The following HHLA1 variants were observed in gnomAD, a reference collection of about 807,000 sequenced individuals.
HHLA1 encodes the protein HHLA1 neighbor of OC90, also known as HERV-H LTR-associating protein 1.
Under a neutral mutation model 69.9 loss-of-function variants are expected in HHLA1, and 72 were observed. The observed-to-expected ratio is 1.03, with a 90% CI of 0.85 to 1.25. HHLA1 has a LOEUF of 1.25. Among genes scored for constraint, HHLA1 ranks in the 50% most tolerant of loss-of-function variants. HHLA1 has a pLI of 0.00. For missense variants in HHLA1, 685 were observed against 642.2 expected, an observed-to-expected ratio of 1.07 and a Z score of -0.72; for synonymous variants, 252 against 233.2, an observed-to-expected ratio of 1.08 and a Z score of -0.73.
Position 132,089,552 on chromosome 8 carries a change from G to C in HHLA1, c.496C>G (p.Leu166Val). 6.5e-7 allele frequency: 1 copy of C among 1,532,632 alleles called. No homozygotes were observed. The highest frequency in any genetic ancestry group is 8.9e-7 in the Non-Finnish European group (1 of 1,129,582). The allele number at this position is 1,532,632 out of a possible 1,614,324, so 94.9% of individuals were successfully genotyped here. The change falls in exon 8 of 17, where the codon CTC (leucine) becomes GTC (valine). Residue 166 changes from leucine to valine, a missense_variant. Coordinates refer to ENST00000414222, the MANE Select transcript of HHLA1 (RefSeq NM_001145095.3). ...GAGGTTGACTTAAAAATCTCTGTGA[G>C]GTAGCTGGTAGAATTGCCGATGATA... ...VDIIGNSTSY[L>V]TEIFKSTSIL...
intron 4 of HHLA1, among the ~76,000 whole-genome samples, 198 bp from the exon 5 acceptor site, chr8:132,099,160 A>G (rs971970507): frequency 1.3e-5 from 2 of 152,228 alleles, no homozygotes; most frequent in African/African-American, 4.8e-5. Flanking sequence ...CAAAGTGACA[A>G]ATATAGATAA....
chr8:132,072,944 C>T (rs1823573827), intron 14 of HHLA1, among the ~76,000 whole-genome samples: 1 of 151,512 alleles, frequency 6.6e-6, no homozygotes, highest in Non-Finnish European at 1.5e-5. Context: ...AATATCAATT[C>T]ATTTGAGAAT....
chr8:132,082,053 G>C (rs1318546076), intron 10 of HHLA1, among the ~76,000 whole-genome samples: 1 of 152,134 alleles, frequency 6.6e-6, no homozygotes, highest in Non-Finnish European at 1.5e-5. Flanking sequence ...AATGTCAGGT[G>C]GATCAGAGAG....
chr8:132,072,905 TAA>T (rs528446445), intron 14 of HHLA1, among the ~76,000 whole-genome samples: 4 of 142,740 alleles, frequency 2.8e-5, no homozygotes, highest in Admixed American at 7.0e-5. Context: ...TTTTGTCCAG[TAA>T]AAAAAAAAAA....
chr8:132,108,660 A>G (rs1024214919), intron 1 of HHLA1, among the ~76,000 whole-genome samples: 1 of 152,094 alleles, frequency 6.6e-6, no homozygotes, highest in Non-Finnish European at 1.5e-5. Flanking sequence ...CACATGGATT[A>G]TTTTGAGTGG....
At chr8:132,086,422 T>G (rs1044260062) in intron 10 of HHLA1, among the ~76,000 whole-genome samples, 1 of 152,212 alleles carries the variant, frequency 6.6e-6, no homozygotes, top group South Asian at 2.1e-4. Context: ...ACACCCTGCG[T>G]GCAACACCAG....
chr8:132,077,411 C>T (rs1006654513), intron 12 of HHLA1, among the ~76,000 whole-genome samples: 7 of 151,928 alleles, frequency 4.6e-5, no homozygotes, highest in African/African-American at 1.5e-4. Flanking sequence ...ATTTCAGGCC[C>T]GGGTCCATCC....
intron 15 of HHLA1, among the ~76,000 whole-genome samples, chr8:132,066,286 A>G (rs1254028998): frequency 6.6e-6 from 1 of 152,150 alleles, no homozygotes; most frequent in Non-Finnish European, 1.5e-5. Context: ...CAATAATGGA[A>G]CCTATACTCG....
At chr8:132,104,063 G>C in intron 3 of HHLA1, 45 bp downstream of exon 3, 1 of 1,382,030 alleles carries the variant, frequency 7.2e-7, no homozygotes, top group Middle Eastern at 1.8e-4. Flanking sequence ...CAAGGAATTT[G>C]CCCAAGAACA....
chr8:132,064,383 G>A (rs894018529), intron 16 of HHLA1, among the ~76,000 whole-genome samples: 2 of 152,180 alleles, frequency 1.3e-5, no homozygotes, highest in African/African-American at 2.4e-5. Flanking sequence ...AATGTAATAC[G>A]TTGTGTGCAT....
At chr8:132,083,043 C>T (rs183377656) in intron 10 of HHLA1, among the ~76,000 whole-genome samples, 10 of 144,990 alleles carry the variant, frequency 6.9e-5, no homozygotes, top group African/African-American at 2.3e-4. Flanking sequence ...CATGATTGGT[C>T]GCCAAGGAGG....
intron 14 of HHLA1, among the ~76,000 whole-genome samples, chr8:132,072,365 T>C (rs1182228201): frequency 6.6e-6 from 1 of 152,144 alleles, no homozygotes; most frequent in East Asian, 1.9e-4. Context: ...TGAGACAATT[T>C]ATATAAAGTA....
chr8:132,103,490 A>G (rs968722881), intron 3 of HHLA1, among the ~76,000 whole-genome samples: 1 of 152,018 alleles, frequency 6.6e-6, no homozygotes, highest in East Asian at 1.9e-4. Context: ...GTGGTGGTAC[A>G]TGCCTGTGGT....
chr8:132,088,186 T>C (rs1162613650), intron 8 of HHLA1, among the ~76,000 whole-genome samples: 1 of 152,184 alleles, frequency 6.6e-6, no homozygotes, highest in Non-Finnish European at 1.5e-5. Flanking sequence ...TTGCTTGACC[T>C]CTTCAGGACT....
At chr8:132,109,661 G>A (rs943464494) in intron 1 of HHLA1, among the ~76,000 whole-genome samples, 1 of 152,264 alleles carries the variant, frequency 6.6e-6, no homozygotes, top group South Asian at 2.1e-4. Flanking sequence ...CTGACGTGCA[G>A]CCCCCAGCTC....
chr8:132,078,593 T>C (rs1823686738), intron 11 of HHLA1, among the ~76,000 whole-genome samples: 1 of 152,182 alleles, frequency 6.6e-6, no homozygotes, highest in African/African-American at 2.4e-5. Flanking sequence ...TCTTATCTCT[T>C]GGGGAAGCCT....
rs373688179 is a variant in HHLA1, at chr8:132,098,039, G to A, written c.280+843C>T. Among the ~76,000 whole-genome samples, 53 of 152,332 alleles carry A rather than the reference G, an allele frequency of 3.5e-4. No individual in the cohort carries two copies. In the East Asian group the frequency reaches 8.1e-3, roughly 23 times the overall value. On this transcript the variant is annotated intron_variant, in intron 5 of 16. Coordinates refer to ENST00000414222, the MANE Select transcript of HHLA1 (RefSeq NM_001145095.3). ...TACTCCTTCACCCAATAGAATGGAA[G>A]CTCTCCCAGGCCAAAGATTTTTGGT...
chr8:132,110,491 G>A (rs1824278513), intron 1 of HHLA1, among the ~76,000 whole-genome samples: 1 of 152,200 alleles, frequency 6.6e-6, no homozygotes, highest in South Asian at 2.1e-4. Context: ...CCTAATATTT[G>A]TTGACCATCT....
At chr8:132,065,136 G>C (rs1823412314) in intron 16 of HHLA1, among the ~76,000 whole-genome samples, 1 of 152,186 alleles carries the variant, frequency 6.6e-6, no homozygotes, top group African/African-American at 2.4e-5. Flanking sequence ...AAAAAAAGCT[G>C]ATACTGGAAT....
Sources: allele counts gnomAD v4.1 joint callset (sites outside exome capture counted in the v4.1 genomes callset), GRCh38; gene constraint gnomAD v4.1.1; transcripts MANE v1.5; gene names NCBI Gene and HGNC (gene_info 2026-07-23, HGNC 2026-07-21).